The following IFT46 variants were observed in gnomAD, a reference collection of about 807,000 sequenced individuals.
The protein encoded by IFT46 is intraflagellar transport protein 46 homolog.
In IFT46, 19 loss-of-function variants were observed where a neutral mutation model predicts 39.6. That is an observed-to-expected ratio of 0.48 (90% confidence interval 0.33 to 0.70). The LOEUF (loss-of-function observed/expected upper bound fraction) is 0.70, where lower values mean the gene tolerates loss of function less well. Among genes scored for constraint, IFT46 ranks in the 30% least tolerant of loss-of-function variants. IFT46 has a pLI of 0.01. For missense variants in IFT46, 334 were observed against 364.8 expected (o/e 0.92, Z 0.69); for synonymous variants, 117 against 134.8 (o/e 0.87, Z 0.91).
chr11:118,550,273 TTTC>T (rs1951781422), intron 9 of IFT46, among the ~76,000 whole-genome samples: 1 of 152,242 alleles, frequency 6.6e-6, no homozygotes, highest in South Asian at 2.1e-4. Flanking sequence ...GACTTTTAAG[TTTC>T]TTATTACACT....
chr11:118,560,696 T>C (rs1591370223), intron 2 of IFT46: 2 of 595,044 alleles, frequency 3.4e-6, no homozygotes, highest in Non-Finnish European at 6.1e-6. Flanking sequence ...CAGAATGGGG[T>C]TTATTAAAGT....
At chr11:118,573,133 G>A (rs1938393235), upstream of IFT46, among the ~76,000 whole-genome samples, 1 of 152,222 alleles carries the variant, frequency 6.6e-6, no homozygotes, top group Admixed American at 6.5e-5. Context: ...AAGTGTCTCT[G>A]AAACCTTCCA....
At chr11:118,556,180 G>A (rs1049488525) in intron 4 of IFT46, among the ~76,000 whole-genome samples, 1 of 152,070 alleles carries the variant, frequency 6.6e-6, no homozygotes, top group African/African-American at 2.4e-5. Context: ...ACACCAGCAT[G>A]CTCAGCTAAT....
At chr11:118,570,038 C>T (rs997933039), upstream of IFT46, among the ~76,000 whole-genome samples, 3 of 150,570 alleles carry the variant, frequency 2.0e-5, no homozygotes, top group Non-Finnish European at 3.0e-5. Context: ...TGAGACACCA[C>T]GCCCAGCTTT....
rs545830606 is a variant in IFT46, at chr11:118,551,835, T to A, written c.623A>T (p.Asp208Val). 6.2e-7 allele frequency: 1 copy of A among 1,614,104 alleles called. No homozygotes were observed. The highest frequency in any genetic ancestry group is 1.1e-5 in the South Asian group (1 of 91,070). The change falls in exon 9 of 12, where the codon GAC becomes GTC. Residue 208 changes from aspartate to valine, a missense_variant. Coordinates refer to ENST00000264021, the MANE Select transcript of IFT46 (RefSeq NM_001168618.2). ...VHYTRPMPDI[D>V]TLMQEWSPEF... ...CGGGGACCATTCCTGCATCAGCGTG[T>A]CAATGTCGGGCATGGGCCTAAAAGT... is the stretch of plus-strand genomic sequence containing the variant.
In IFT46 at chr11:118,545,792, C is replaced by CCA. The variant is rs782691199; in HGVS notation, c.732_733dup (p.Ala245ValfsTer4). On this transcript the variant is annotated frameshift_variant and splice_region_variant. Transcript: ENST00000264021. LOFTEE classifies it high-confidence loss of function. ...GACGAGGAAAGGAAAGAGGAACTCA[C>CCA]CACAGATCATGTCAATGTACTCTGC... is the stretch of plus-strand genomic sequence containing the variant. The CCA allele has an allele frequency of 1.9e-6, 3 of 1,613,964 alleles. No homozygotes were observed. In the African/African-American group the frequency reaches 4.0e-5, roughly 22 times the overall value.
intron 3 of IFT46, among the ~76,000 whole-genome samples, chr11:118,559,580 A>G (rs1275798067): frequency 2.0e-5 from 3 of 152,352 alleles, no homozygotes; most frequent in South Asian, 4.1e-4. Context: ...ATTCCTCACC[A>G]AAGTCAATTG....
upstream of IFT46, among the ~76,000 whole-genome samples, chr11:118,567,010 A>G (rs1938240570): frequency 6.6e-6 from 1 of 152,094 alleles, no homozygotes; most frequent in Non-Finnish European, 1.5e-5. Flanking sequence ...AGGTGGGACG[A>G]TTGCTTGAGT....
rs372718940 is a variant in IFT46, at chr11:118,556,903, C to T, written c.185+3G>A. ...ACCCTTGGCTTGGGTGTTCTTTCCT[C>T]ACCCTTCCAGAGGGGCTCCATGCTC... is the stretch of plus-strand genomic sequence containing the variant. On this transcript the variant is annotated splice_donor_region_variant and intron_variant, in intron 4 of 11. Coordinates refer to ENST00000264021, the MANE Select transcript of IFT46 (RefSeq NM_001168618.2). The T allele has an allele frequency of 5.8e-5, 92 of 1,587,886 alleles. No individual in the cohort carries two copies. The highest frequency in any genetic ancestry group is 6.8e-5 in the Non-Finnish European group (79 of 1,166,390).
At chr11:118,548,009 G>A (rs1951733757) in intron 9 of IFT46, among the ~76,000 whole-genome samples, 1 of 149,006 alleles carries the variant, frequency 6.7e-6, no homozygotes, top group Non-Finnish European at 1.5e-5. Context: ...GCCTCCCAAA[G>A]TGCTGGGATT....
chr11:118,569,140 G>A (rs1219639375), upstream of IFT46, among the ~76,000 whole-genome samples: 5 of 151,400 alleles, frequency 3.3e-5, no homozygotes, highest in Admixed American at 6.6e-5. Flanking sequence ...CTAGCCAGGC[G>A]TGGTCGTCCA....
At chr11:118,550,111 T>G (rs2135483395) in intron 9 of IFT46, among the ~76,000 whole-genome samples, 1 of 150,668 alleles carries the variant, frequency 6.6e-6, no homozygotes, top group African/African-American at 2.4e-5. Flanking sequence ...ATTTTTGTAT[T>G]TTTTTAGTAG....
chr11:118,572,682 G>A (rs1938375451), exon 1 of IFT46: 2 of 1,189,722 alleles, frequency 1.7e-6, no homozygotes, highest in Non-Finnish European at 2.4e-6. Flanking sequence ...CTCCGGGCTC[G>A]GGGAGCAGTG....
At chr11:118,546,024 G>T in intron 9 of IFT46, 171 bp from the exon 10 acceptor site, 1 of 712,112 alleles carries the variant, frequency 1.4e-6, no homozygotes, top group South Asian at 1.5e-5. Context: ...TTCAGAATGT[G>T]ACTATATTTG....
At chr11:118,555,408 A>G in intron 4 of IFT46, 86 bp from the exon 5 acceptor site, 1 of 973,426 alleles carries the variant, frequency 1.0e-6, no homozygotes, top group East Asian at 2.4e-5. Context: ...TACTGACTAT[A>G]GGGACATGAT....
chr11:118,546,870 A>C (rs1951699746), intron 9 of IFT46: 1 of 152,258 alleles, frequency 6.6e-6, no homozygotes, highest in Non-Finnish European at 1.5e-5. Flanking sequence ...TAACTCAGGT[A>C]ACAGGCTCTG....
At chr11:118,545,078 T>C in intron 11 of IFT46, 67 bp from the exon 12 acceptor site, 13 of 1,159,702 alleles carry the variant, frequency 1.1e-5, no homozygotes, top group Non-Finnish European at 1.6e-5. Flanking sequence ...TTAACAAGAA[T>C]TAATTTCTTT....
chr11:118,545,669 C>A, intron 10 of IFT46, 124 bp downstream of exon 10: 3 of 1,196,490 alleles, frequency 2.5e-6, no homozygotes, highest in Non-Finnish European at 3.7e-6. Context: ...TGCCAAAGAG[C>A]ACAACGGGCT....
intron 11 of IFT46, 22 bp downstream of exon 11, chr11:118,545,387 C>A: frequency 1.3e-6 from 2 of 1,547,090 alleles, no homozygotes; most frequent in South Asian, 1.1e-5. Flanking sequence ...CAGCTTAAGT[C>A]AACCCCTGAT....
Sources: allele counts gnomAD v4.1 joint callset (sites outside exome capture counted in the v4.1 genomes callset), GRCh38; gene constraint gnomAD v4.1.1; transcripts MANE v1.5; gene names NCBI Gene and HGNC (gene_info 2026-07-23, HGNC 2026-07-21).